MKLN1: variants seen among roughly 807,000 people sequenced by gnomAD.
MKLN1 encodes muskelin 1, also known as muskelin.
In MKLN1, 18 loss-of-function variants were observed where a neutral mutation model predicts 99.0. The ratio of observed to expected loss-of-function variants is 0.18; its 90% CI spans 0.13 to 0.27. MKLN1 has a LOEUF of 0.27. MKLN1 is among the 10% of genes least tolerant of loss of function. The pLI is 1.00. For missense variants in MKLN1, 621 were observed against 875.9 expected (o/e 0.71, Z 3.67); for synonymous variants, 288 against 293.2 (o/e 0.98, Z 0.18).
chr7:131,440,222 A>G (rs1322998718), intron 10 of MKLN1, among the ~76,000 whole-genome samples: 1 of 152,214 alleles, frequency 6.6e-6, no homozygotes, highest in East Asian at 1.9e-4. Flanking sequence ...AAAGTGAAGG[A>G]AACACAGTGG....
chr7:131,448,778 G>A (rs1798257058), intron 12 of MKLN1, among the ~76,000 whole-genome samples: 1 of 152,148 alleles, frequency 6.6e-6, no homozygotes, highest in Non-Finnish European at 1.5e-5. Context: ...TGTTCAGTGT[G>A]TAATTGGTTT....
At chr7:131,117,577 AAAAAT>A (rs1184326499) in intron 1 of MKLN1, among the ~76,000 whole-genome samples, 2 of 152,260 alleles carry the variant, frequency 1.3e-5, no homozygotes, top group Non-Finnish European at 2.9e-5. Context: ...ACTAAGTAAA[AAAAAT>A]TACAATGAAG....
intron 2 of MKLN1, among the ~76,000 whole-genome samples, chr7:131,172,441 A>G (rs567722937): frequency 3.3e-4 from 50 of 151,728 alleles, no homozygotes; most frequent in Non-Finnish European, 5.3e-4. Flanking sequence ...TCAGCCTCCC[A>G]AGTAGCTGGG....
chr7:131,345,955 C>T (rs1027652801), intron 1 of MKLN1, among the ~76,000 whole-genome samples: 2 of 152,054 alleles, frequency 1.3e-5, no homozygotes, highest in African/African-American at 2.4e-5. Flanking sequence ...AAAAATCACT[C>T]GGAATCTCAT....
intron 3 of MKLN1, among the ~76,000 whole-genome samples, chr7:131,296,082 T>C (rs1226855258): frequency 2.0e-5 from 3 of 152,150 alleles, no homozygotes; most frequent in Non-Finnish European, 2.9e-5. Flanking sequence ...TTTTTGGCGG[T>C]TACAATTTAG....
intron 1 of MKLN1, among the ~76,000 whole-genome samples, chr7:131,349,410 T>A (rs1799655602): frequency 6.6e-6 from 1 of 152,180 alleles, no homozygotes; most frequent in Non-Finnish European, 1.5e-5. Flanking sequence ...TTGACCAGGA[T>A]GGTCTCTATC....
At chr7:131,374,482 T>C (rs1422051034) in intron 1 of MKLN1, among the ~76,000 whole-genome samples, 1 of 152,184 alleles carries the variant, frequency 6.6e-6, no homozygotes, top group Admixed American at 6.5e-5. Flanking sequence ...TCCCCTTGCC[T>C]AACTGTAACA....
chr7:131,461,100 C>G (rs926818753), intron 12 of MKLN1, among the ~76,000 whole-genome samples: 3 of 152,240 alleles, frequency 2.0e-5, no homozygotes, highest in South Asian at 2.1e-4. Flanking sequence ...ATGGTGTAAC[C>G]TACGCACATT....
chr7:131,444,767 AGT>A (rs1563352019), intron 11 of MKLN1, among the ~76,000 whole-genome samples: 1,241 of 16,922 alleles, frequency 0.073, 4 homozygotes, highest in African/African-American at 0.081. Context: ...TAGAAGAAGT[AGT>A]AGTAGTAGTA....
chr7:131,415,998 G>A (rs1275264439), intron 8 of MKLN1, among the ~76,000 whole-genome samples: 1 of 151,858 alleles, frequency 6.6e-6, no homozygotes, highest in East Asian at 1.9e-4. Flanking sequence ...GTTTTGCCAT[G>A]TTGCCCAGGC....
At chr7:131,320,814 C>G (rs540059748) in intron 3 of MKLN1, among the ~76,000 whole-genome samples, 1 of 152,108 alleles carries the variant, frequency 6.6e-6, no homozygotes, top group Non-Finnish European at 1.5e-5. Context: ...ATGTGGCCAA[C>G]AAACATATGA....
chr7:131,301,314 G>A (rs1439222108), intron 3 of MKLN1, among the ~76,000 whole-genome samples: 1 of 152,152 alleles, frequency 6.6e-6, no homozygotes, highest in African/African-American at 2.4e-5. Context: ...ATGAAACTCA[G>A]CCAAAGGCCA....
chr7:131,202,747 C>G (rs1335741362), intron 2 of MKLN1: 1 of 152,124 alleles, frequency 6.6e-6, no homozygotes, highest in East Asian at 1.9e-4. Flanking sequence ...GTTAAAATCA[C>G]TGGGCTAGTG....
Position 131,414,725 on chromosome 7 carries a change from CAGTGGAAAG to C in MKLN1, c.847+16_847+24del. 1 of 1,572,080 alleles carries C rather than the reference CAGTGGAAAG, an allele frequency of 6.4e-7. No homozygotes were observed. The highest frequency in any genetic ancestry group is 2.3e-5 in the East Asian group (1 of 42,934). On this transcript the variant is annotated intron_variant, in intron 8 of 17. Transcript: ENST00000352689. ...TGTTCAAACAGGTGAGTAGCAGTTG[CAGTGGAAAG>C]CAAAATCTTCATTGGCTACAGGCAT...
intron 1 of MKLN1, among the ~76,000 whole-genome samples, chr7:131,117,714 T>G (rs1795299634): frequency 6.6e-6 from 1 of 152,146 alleles, no homozygotes. Flanking sequence ...GTGGAGAGAA[T>G]AGTTGGAAGG....
chr7:131,486,748 G>A (rs955218194), intron 17 of MKLN1, among the ~76,000 whole-genome samples: 1 of 152,100 alleles, frequency 6.6e-6, no homozygotes, highest in African/African-American at 2.4e-5. Flanking sequence ...TCATTTGTAT[G>A]TAAGAAATCT....
At chr7:131,358,573 ATTC>A (rs1799944632) in intron 1 of MKLN1, among the ~76,000 whole-genome samples, 2 of 152,130 alleles carry the variant, frequency 1.3e-5, no homozygotes, top group Non-Finnish European at 2.9e-5. Context: ...TTCCTCTGCT[ATTC>A]TTTTCTGAAA....
At chr7:131,445,433 C>T (rs1400944872) in intron 11 of MKLN1, among the ~76,000 whole-genome samples, 2 of 152,036 alleles carry the variant, frequency 1.3e-5, no homozygotes, top group Non-Finnish European at 2.9e-5. Context: ...CGCTTGCGTG[C>T]TCTCTCTCTC....
At chr7:131,313,075 G>T (rs1429346247) in intron 3 of MKLN1, among the ~76,000 whole-genome samples, 1 of 152,162 alleles carries the variant, frequency 6.6e-6, no homozygotes, top group Non-Finnish European at 1.5e-5. Flanking sequence ...AAGACATTTA[G>T]CAGAGACAGT....
Sources: gnomAD v4.1 joint callset for allele counts (sites outside exome capture counted in the v4.1 genomes callset) on GRCh38, gnomAD v4.1.1 for gene constraint, MANE v1.5 for transcripts, NCBI Gene and HGNC (gene_info 2026-07-23, HGNC 2026-07-21) for gene names.